The following TMEM132B variants were observed in gnomAD, a reference collection of about 807,000 sequenced individuals.
TMEM132B encodes transmembrane protein 132B.
A neutral mutation model predicts 90.8 loss-of-function variants in TMEM132B; 18 were observed. The observed-to-expected ratio is 0.20, with a 90% CI of 0.14 to 0.29. The LOEUF is 0.29. Ranked by LOEUF, TMEM132B falls within the 10% of genes least tolerant of loss-of-function variation. The probability of loss-of-function intolerance (pLI) is 1.00; values close to 1 mark genes in which losing one functional copy is unlikely to be tolerated. For missense variants in TMEM132B, 1,096 were observed against 1,326.8 expected (o/e 0.83, Z 2.70); for synonymous variants, 504 against 523.3 (o/e 0.96, Z 0.50).
chr12:125,210,909 G>T (rs889609080), intron 1 of TMEM132B, among the ~76,000 whole-genome samples: 4 of 152,168 alleles, frequency 2.6e-5, no homozygotes, highest in African/African-American at 4.8e-5. Flanking sequence ...GCTGCAGTGA[G>T]CTCTGATGGT....
At chr12:125,628,095 G>C (rs929971687) in intron 5 of TMEM132B, among the ~76,000 whole-genome samples, 2 of 152,148 alleles carry the variant, frequency 1.3e-5, no homozygotes, top group African/African-American at 4.8e-5. Context: ...ATTGTCAACA[G>C]TGCTGCAACA....
At chr12:125,532,561 CTGGAGTGCAGTGGTGCGA>C (rs923977369) in intron 4 of TMEM132B, among the ~76,000 whole-genome samples, 1 of 151,486 alleles carries the variant, frequency 6.6e-6, no homozygotes, top group Admixed American at 6.6e-5. Flanking sequence ...GTTGCCCAGG[CTGGAGTGCAGTGGTGCGA>C]TCTTGGCTCA....
chr12:125,198,687 A>G lies in TMEM132B; in HGVS notation c.67+11821A>G, dbSNP rs147921382. On this transcript the variant is annotated intron_variant, in intron 1 of 8. Transcript: ENST00000682704. Reference sequence around the variant, plus strand: ...CAGAGAGGAGCAGAGGTTATTTCCCAAAGGAAAATATGGATGCTTGCATCA... The same window carrying G: ...CAGAGAGGAGCAGAGGTTATTTCCCGAAGGAAAATATGGATGCTTGCATCA... Among the ~76,000 whole-genome samples, 653 of 152,308 alleles carry G rather than the reference A, an allele frequency of 4.3e-3. 5 individuals carry two copies. Among genetic ancestry groups the G allele is most frequent in the African/African-American group, 0.015 (606 of 41,554 alleles).
At position 125,606,234 on chromosome 12, in the gene TMEM132B, G is replaced by A. The variant is rs1411768601; in HGVS notation, c.1437+22240G>A. 4.6e-5 allele frequency among the ~76,000 whole-genome samples: 7 copies of A among 151,414 alleles called. No homozygotes were observed. The East Asian group carries it at 1.2e-3, about 25-fold the overall frequency. ...CATGACTCTCCATGAGTTAAAATAT[G>A]AATGAAAAGGTGAAGACTCTTTTTA... On this transcript the variant is annotated intron_variant, in intron 5 of 8. Coordinates refer to ENST00000682704, the MANE Select transcript of TMEM132B (RefSeq NM_001366854.1).
chr12:125,639,482 A>G (rs1477682781), intron 5 of TMEM132B, among the ~76,000 whole-genome samples: 2 of 152,210 alleles, frequency 1.3e-5, no homozygotes, highest in Non-Finnish European at 2.9e-5. Flanking sequence ...AATAACTTCT[A>G]TGGCGCTGTG....
intron 4 of TMEM132B, among the ~76,000 whole-genome samples, chr12:125,581,675 T>C (rs913968148): frequency 6.6e-6 from 1 of 151,028 alleles, no homozygotes; most frequent in Non-Finnish European, 1.5e-5. Context: ...TTAGACAAAA[T>C]CAATGCCTGC....
At chr12:125,341,571 C>G (rs983019355) in intron 1 of TMEM132B, among the ~76,000 whole-genome samples, 5 of 152,196 alleles carry the variant, frequency 3.3e-5, no homozygotes, top group African/African-American at 1.2e-4. Context: ...GCACATGATC[C>G]AAGACTTGCC....
At chr12:125,489,133 T>A (rs1181909986) in intron 3 of TMEM132B, among the ~76,000 whole-genome samples, 1 of 152,254 alleles carries the variant, frequency 6.6e-6, no homozygotes, top group African/African-American at 2.4e-5. Context: ...TCTTTAATTT[T>A]CTCTGGGTTT....
At chr12:125,292,870 A>G (rs375943139) in intron 1 of TMEM132B, among the ~76,000 whole-genome samples, 6 of 152,352 alleles carry the variant, frequency 3.9e-5, no homozygotes, top group African/African-American at 1.2e-4. Context: ...AGTTTGCACA[A>G]TGCTGATTGG....
chr12:125,595,003 C>T (rs1014783063), intron 5 of TMEM132B, among the ~76,000 whole-genome samples: 1 of 152,106 alleles, frequency 6.6e-6, no homozygotes, highest in African/African-American at 2.4e-5. Context: ...TTCCCATGGA[C>T]AAACAAAAGG....
intron 1 of TMEM132B, among the ~76,000 whole-genome samples, chr12:125,235,501 C>T (rs1873913843): frequency 6.6e-6 from 1 of 151,542 alleles, no homozygotes; most frequent in Non-Finnish European, 1.5e-5. Flanking sequence ...CTACTTTAAA[C>T]CGAACCATTC....
chr12:125,413,126 T>G (rs1402309535), intron 2 of TMEM132B, among the ~76,000 whole-genome samples: 2 of 152,156 alleles, frequency 1.3e-5, no homozygotes, highest in African/African-American at 4.8e-5. Context: ...AATTCTACCC[T>G]TAAGGTTCCT....
At chr12:125,482,317 A>C (rs1882067452) in intron 3 of TMEM132B, among the ~76,000 whole-genome samples, 1 of 152,242 alleles carries the variant, frequency 6.6e-6, no homozygotes, top group African/African-American at 2.4e-5. Flanking sequence ...GTGAACAGGC[A>C]ACCTACAGAA....
chr12:125,296,577 T>C (rs1875677738), intron 1 of TMEM132B, among the ~76,000 whole-genome samples: 1 of 152,228 alleles, frequency 6.6e-6, no homozygotes, highest in Non-Finnish European at 1.5e-5. Context: ...CTACTTGCTC[T>C]GTTTATGATT....
intron 5 of TMEM132B, among the ~76,000 whole-genome samples, chr12:125,604,898 A>T (rs1321289319): frequency 6.6e-6 from 1 of 152,172 alleles, no homozygotes; most frequent in East Asian, 1.9e-4. Flanking sequence ...CATGAGGGAG[A>T]TTCTATGACA....
rs148587840 is a variant in TMEM132B, at chr12:125,625,385, G to A, written c.1438-18691G>A. Among the ~76,000 whole-genome samples, 1,381 of 152,044 alleles carry A rather than the reference G, an allele frequency of 9.1e-3. 18 individuals carry two copies. Among genetic ancestry groups the A allele is most frequent in the African/African-American group, 0.03 (1,264 of 41,474 alleles). ...CGTGACCTCATGATCCGCCCACCTC[G>A]GCCTCCCAAAGTGCTGGGATTACAG... On this transcript the variant is annotated intron_variant, in intron 5 of 8. Coordinates refer to ENST00000682704, the MANE Select transcript of TMEM132B (RefSeq NM_001366854.1).
intron 5 of TMEM132B, among the ~76,000 whole-genome samples, chr12:125,602,378 A>G (rs990587603): frequency 6.6e-6 from 1 of 152,228 alleles, no homozygotes; most frequent in African/African-American, 2.4e-5. Context: ...GATCATCTCA[A>G]TAGATGCAGA....
At chr12:125,365,732 G>C (rs1878112588) in intron 2 of TMEM132B, among the ~76,000 whole-genome samples, 1 of 151,542 alleles carries the variant, frequency 6.6e-6, no homozygotes, top group African/African-American at 2.4e-5. Flanking sequence ...TGTTCTACTT[G>C]ATTTAAAAAT....
intron 1 of TMEM132B, among the ~76,000 whole-genome samples, chr12:125,247,565 T>G (rs1487511632): frequency 6.6e-6 from 1 of 152,216 alleles, no homozygotes; most frequent in African/African-American, 2.4e-5. Context: ...GGCTGACATA[T>G]CTTGGCCCCA....
Sources: gnomAD v4.1 joint callset for allele counts (sites outside exome capture counted in the v4.1 genomes callset) on GRCh38, gnomAD v4.1.1 for gene constraint, MANE v1.5 for transcripts, NCBI Gene and HGNC (gene_info 2026-07-23, HGNC 2026-07-21) for gene names.